The following KMT2C variants were observed in gnomAD, a reference collection of about 807,000 sequenced individuals.
KMT2C encodes the protein histone-lysine N-methyltransferase 2C.
KMT2C carries 88 observed loss-of-function variants against 507.9 expected under a neutral mutation model. That is an observed-to-expected ratio of 0.17 (90% CI 0.15 to 0.21). The LOEUF (loss-of-function observed/expected upper bound fraction) is 0.21. Among genes scored for constraint, KMT2C ranks in the 10% least tolerant of loss-of-function variants. KMT2C has a pLI of 1.00. For missense variants in KMT2C, 4,954 were observed against 5,957.8 expected (o/e 0.83, Z 5.55); for synonymous variants, 2,049 against 2,080.8 (o/e 0.98, Z 0.42).
chr7:152,380,935 C>T (rs77101372), intron 1 of KMT2C, among the ~76,000 whole-genome samples: 41 of 110,668 alleles, frequency 3.7e-4, no homozygotes, highest in Admixed American at 3.1e-3. Context: ...TCCCAAGCTA[C>T]GAAACTGGAA....
chr7:152,397,436 A>G (rs749502508), intron 1 of KMT2C, among the ~76,000 whole-genome samples: 5 of 152,106 alleles, frequency 3.3e-5, no homozygotes, highest in Non-Finnish European at 7.4e-5. Flanking sequence ...TAACCTTCTA[A>G]GGGCTTTTGC....
intron 23 of KMT2C, among the ~76,000 whole-genome samples, chr7:152,217,620 G>A (rs2094618131): frequency 6.6e-6 from 1 of 151,952 alleles, no homozygotes; most frequent in Non-Finnish European, 1.5e-5. Context: ...TAAAAATAAG[G>A]ACAAATTCAG....
chr7:152,156,141 C>T, intron 45 of KMT2C, 64 bp downstream of exon 45: 1 of 1,598,810 alleles, frequency 6.3e-7, no homozygotes, highest in Non-Finnish European at 8.6e-7. Flanking sequence ...ATTGCCATTT[C>T]ACAATACACA....
At chr7:152,416,266 C>G (rs1179507092) in intron 1 of KMT2C, among the ~76,000 whole-genome samples, 1 of 152,162 alleles carries the variant, frequency 6.6e-6, no homozygotes, top group Non-Finnish European at 1.5e-5. Flanking sequence ...CAGGCGTAGG[C>G]CAGGCGCGAT....
chr7:152,386,493 A>G (rs2097427925), intron 1 of KMT2C, among the ~76,000 whole-genome samples: 4 of 152,342 alleles, frequency 2.6e-5, no homozygotes, highest in African/African-American at 9.6e-5. Context: ...GCATATGGCT[A>G]AACTACATTT....
Position 152,211,684 on chromosome 7 carries a change from T to C in KMT2C, c.3713-4256A>G, listed in dbSNP as rs191185672. Among the ~76,000 whole-genome samples, 30 of 152,344 alleles carry C rather than the reference T, an allele frequency of 2.0e-4. No homozygotes were observed. In the East Asian group the frequency reaches 3.9e-3, roughly 20 times the overall value. ...AGTGCCCTCACACAGGTGGTATCAC[T>C]GTAGGCTAAAGTCTCTTCTAACCAA... On this transcript the variant is annotated intron_variant, in intron 23 of 58. Transcript: ENST00000262189.
intron 1 of KMT2C, among the ~76,000 whole-genome samples, chr7:152,371,723 C>T (rs1356678627): frequency 6.6e-6 from 1 of 151,978 alleles, no homozygotes; most frequent in Non-Finnish European, 1.5e-5. Context: ...AAGCAGTTCT[C>T]CCACCTCAGC....
At chr7:152,367,023 C>A in intron 1 of KMT2C, 1 of 601,360 alleles carries the variant, frequency 1.7e-6, no homozygotes, top group South Asian at 2.0e-5. Flanking sequence ...AGCCTGGGCT[C>A]TTGCTCTTGC....
intron 37 of KMT2C, among the ~76,000 whole-genome samples, 183 bp downstream of exon 37, chr7:152,179,651 G>A (rs1316392426): frequency 7.5e-5 from 4 of 53,524 alleles, no homozygotes; most frequent in Admixed American, 1.8e-4. Context: ...TAAATTTGTT[G>A]AAGAGGTTGG....
At chr7:152,352,182 A>G (rs2097116929) in intron 2 of KMT2C, among the ~76,000 whole-genome samples, 1 of 152,168 alleles carries the variant, frequency 6.6e-6, no homozygotes, top group Non-Finnish European at 1.5e-5. Flanking sequence ...GTCGAGCTGT[A>G]GGGATGAAAT....
At position 152,194,040 on chromosome 7, in the gene KMT2C, T is replaced by C. The variant is rs1211980272; in HGVS notation, c.4629A>G (p.Pro1543=). Residue 1543 remains proline (P), a synonymous_variant, in exon 31 of 59, where the codon CCA becomes CCG. Transcript: ENST00000262189. ...TGTGTATTGGCAACAGCTGTGTTGG[T>C]GGGGGAGGCTGTGGCAATGGAGTTG... ...TQPTPLPQPP[P]PTQLLPIHNQ... is the part of the protein sequence containing the mutation. The C allele has an allele frequency of 1.3e-6, 2 of 1,583,360 alleles. No individual in the cohort carries two copies. The highest frequency in any genetic ancestry group is 4.5e-5 in the East Asian group (2 of 44,312).
At chr7:152,272,984 T>C (rs1009527956) in intron 7 of KMT2C, among the ~76,000 whole-genome samples, 19 of 151,984 alleles carry the variant, frequency 1.3e-4, no homozygotes, top group African/African-American at 4.6e-4. Flanking sequence ...AGATTGGAAA[T>C]TCAATAGACT....
intron 6 of KMT2C, among the ~76,000 whole-genome samples, chr7:152,277,495 C>T (rs78420811): frequency 0.044 from 6,758 of 152,092 alleles, 239 homozygotes; most frequent in South Asian, 0.089. Flanking sequence ...AAGCATAATC[C>T]TCATTCAACA....
rs2093906133 is a variant in KMT2C at position 152,194,547 on chromosome 7, T to C, written c.4400A>G (p.Asp1467Gly). 2.5e-6 allele frequency: 4 copies of C among 1,612,846 alleles called. No individual in the cohort carries two copies. The South Asian group carries it at 4.4e-5, about 18-fold the overall frequency. The stretch of plus-strand genomic sequence containing the variant: ...ATTTGGCTGAGGCAAAGAGGAAGGA[T>C]CATCAGTGACAGGACCAATATCTAC... ...DHSDIGPVTD[D>G]PSSLPQPNVN... Residue 1467 changes from aspartate to glycine, a missense_variant, in exon 29 of 59, where the codon GAT (aspartate) becomes GGT (glycine). Asp to Gly is a moderately conservative substitution (Grantham distance 94). Transcript: ENST00000262189.
chr7:152,209,241 G>C (rs1475782384), intron 23 of KMT2C, among the ~76,000 whole-genome samples: 7 of 151,778 alleles, frequency 4.6e-5, no homozygotes, highest in South Asian at 4.2e-4. Context: ...CAGATCACGA[G>C]GTCAGGAGAT....
chr7:152,223,590 T>TG (rs1248509474), intron 20 of KMT2C, among the ~76,000 whole-genome samples: 1 of 152,036 alleles, frequency 6.6e-6, no homozygotes, highest in Non-Finnish European at 1.5e-5. Flanking sequence ...GGTCAAAAGA[T>TG]GGAGACCATC....
intron 12 of KMT2C, 77 bp from the exon 13 acceptor site, chr7:152,250,030 A>G: frequency 6.1e-6 from 5 of 822,712 alleles, no homozygotes; most frequent in Non-Finnish European, 6.2e-6. Context: ...TAATTTGAGT[A>G]AAGAGTTTTA....
At chr7:152,376,239 C>G (rs114438536) in intron 1 of KMT2C, among the ~76,000 whole-genome samples, 1 of 152,180 alleles carries the variant, frequency 6.6e-6, no homozygotes, top group Admixed American at 6.5e-5. Flanking sequence ...TCAGACCTCC[C>G]GTTTCCCCAA....
chr7:152,341,091 ATCT>A, intron 2 of KMT2C, among the ~76,000 whole-genome samples: 1 of 152,340 alleles, frequency 6.6e-6, no homozygotes, highest in African/African-American at 2.4e-5. Flanking sequence ...ACCAATATTG[ATCT>A]TCTTCTGAAA....
Sources: allele counts gnomAD v4.1 joint callset (sites outside exome capture counted in the v4.1 genomes callset), GRCh38; gene constraint gnomAD v4.1.1; transcripts MANE v1.5; gene names NCBI Gene and HGNC (gene_info 2026-07-23, HGNC 2026-07-21).